LHFPL1: variants seen among roughly 807,000 people sequenced by gnomAD.
The protein encoded by LHFPL1 is LHFPL tetraspan subfamily member 1.
Under a neutral mutation model 12.1 loss-of-function variants are expected in LHFPL1, and 4 were observed. The ratio of observed to expected loss-of-function variants is 0.33; its 90% CI spans 0.16 to 0.76. The LOEUF (loss-of-function observed/expected upper bound fraction) is 0.76. Among genes scored for constraint, LHFPL1 ranks in the 30% least tolerant of loss-of-function variants. The pLI is 0.61. For missense variants in LHFPL1, 141 were observed against 174.1 expected (o/e 0.81, Z 1.07); for synonymous variants, 52 against 61.9 (o/e 0.84, Z 0.75).
intron 3 of LHFPL1, among the ~76,000 whole-genome samples, chrX:112,646,685 C>T (rs781053282): frequency 2.7e-5 from 3 of 109,518 alleles, no homozygotes; most frequent in Admixed American, 9.8e-5. Flanking sequence ...GGTCCAGCCA[C>T]TTCCTGATTT....
chrX:112,651,627 A>C (rs933051219), intron 3 of LHFPL1, among the ~76,000 whole-genome samples: 1 of 111,453 alleles, frequency 9.0e-6, no homozygotes, highest in Non-Finnish European at 1.9e-5. Flanking sequence ...ACCCATATCA[A>C]ATCTATCACC....
intron 3 of LHFPL1, among the ~76,000 whole-genome samples, chrX:112,645,152 T>G (rs1440281441): frequency 8.9e-6 from 1 of 112,365 alleles, no homozygotes; most frequent in African/African-American, 3.2e-5. Flanking sequence ...AATAGCAAGT[T>G]ACATATAATG....
chrX:112,641,499 G>A (rs1053713801), intron 3 of LHFPL1, among the ~76,000 whole-genome samples: 17 of 111,522 alleles, frequency 1.5e-4, no homozygotes, highest in African/African-American at 4.2e-4. Flanking sequence ...TAGAAATCAC[G>A]TCCTTTCACA....
At chrX:112,675,092 G>A (rs1931618542) in intron 1 of LHFPL1, among the ~76,000 whole-genome samples, 1 of 111,258 alleles carries the variant, frequency 9.0e-6, no homozygotes, top group African/African-American at 3.3e-5. Context: ...GCATAAGAAT[G>A]ACACAATAGA....
At chrX:112,674,665 G>C (rs1341484410) in intron 1 of LHFPL1, among the ~76,000 whole-genome samples, 1 of 111,436 alleles carries the variant, frequency 9.0e-6, no homozygotes, top group East Asian at 2.8e-4. Flanking sequence ...TATACAAATG[G>C]CCAACAGATA....
At chrX:112,663,218 C>G (rs942372171) in intron 2 of LHFPL1, among the ~76,000 whole-genome samples, 7 of 112,054 alleles carry the variant, frequency 6.2e-5, no homozygotes, top group African/African-American at 2.3e-4. Context: ...TCCCATAGCA[C>G]CCAGTGCTTA....
intron 1 of LHFPL1, 95 bp from the exon 2 acceptor site, chrX:112,671,499 C>T (rs763256233): frequency 8.5e-7 from 1 of 1,182,557 alleles, no homozygotes; most frequent in South Asian, 1.9e-5. Context: ...GTTGGCCAGT[C>T]CTGGGGCTCA....
Position 112,660,531 on chromosome X carries a change from G to A in LHFPL1, c.481+96C>T. Reference sequence around the variant, plus strand: ...AGCTAACACAGTGAGAGAGATTCAGGCAAGTACCACTAGCAGAGTGCCCTC... The same window carrying A: ...AGCTAACACAGTGAGAGAGATTCAGACAAGTACCACTAGCAGAGTGCCCTC... On this transcript the variant is annotated intron_variant, in intron 3 of 3. Transcript: ENST00000371968. 3 of 650,353 alleles carry A rather than the reference G, an allele frequency of 4.6e-6. No individual in the cohort carries two copies. In the South Asian group the frequency reaches 7.7e-5, roughly 17 times the overall value. 53.6% of individuals were successfully genotyped at this position (650,353 alleles called of 1,213,427 possible).
chrX:112,654,909 A>G (rs1458565113), intron 3 of LHFPL1, among the ~76,000 whole-genome samples: 1 of 111,752 alleles, frequency 8.9e-6, no homozygotes, highest in Non-Finnish European at 1.9e-5. Context: ...TCTACTTTAA[A>G]TGGCATTAAC....
chrX:112,656,347 T>C (rs921506954), intron 3 of LHFPL1, among the ~76,000 whole-genome samples: 4 of 108,974 alleles, frequency 3.7e-5, no homozygotes, highest in African/African-American at 1.4e-4. Context: ...AAACTAAGAA[T>C]AGAAGGGAAC....
In LHFPL1 at chrX:112,671,145, C is replaced by G. The variant is rs778331550; in HGVS notation, c.246G>C (p.Gln82His). The change falls in exon 2 of 4, where the codon CAG becomes CAC. Residue 82 changes from glutamine to histidine, a missense_variant. Transcript: ENST00000371968. ...SFNAIPSLAW[Q>H]MCTVVTGAGC... ...CGGCACCTGTCACCACTGTGCACAT[C>G]TGCCAGGCCAGGCTTGGGATGGCAT... 1 of 1,211,001 alleles carries G rather than the reference C, an allele frequency of 8.3e-7. No individual in the cohort carries two copies. Among genetic ancestry groups the G allele is most frequent in the Admixed American group, 2.2e-5 (1 of 45,942 alleles).
chrX:112,668,183 G>A (rs748581102), intron 2 of LHFPL1, among the ~76,000 whole-genome samples: 3 of 111,778 alleles, frequency 2.7e-5, no homozygotes, highest in Non-Finnish European at 5.6e-5. Flanking sequence ...TTTATCCATG[G>A]GGCCCAAAAT....
chrX:112,657,830 T>C (rs1312350195), intron 3 of LHFPL1, among the ~76,000 whole-genome samples: 1 of 108,760 alleles, frequency 9.2e-6, no homozygotes, highest in Non-Finnish European at 1.9e-5. Context: ...TATAAAACTC[T>C]TAGAGGAAAA....
chrX:112,636,384 A>G (rs1467719088), intron 3 of LHFPL1, among the ~76,000 whole-genome samples: 2 of 112,360 alleles, frequency 1.8e-5, no homozygotes, highest in African/African-American at 6.5e-5. Context: ...CTGGCCAAAA[A>G]GTGTCGATAT....
At chrX:112,675,741 T>C (rs1931637885) in intron 1 of LHFPL1, among the ~76,000 whole-genome samples, 1 of 111,579 alleles carries the variant, frequency 9.0e-6, no homozygotes, top group Non-Finnish European at 1.9e-5. Context: ...GATGAAATGG[T>C]CACCCTATTT....
intron 3 of LHFPL1, among the ~76,000 whole-genome samples, chrX:112,635,128 C>A (rs1930302082): frequency 8.9e-6 from 1 of 111,785 alleles, no homozygotes; most frequent in Non-Finnish European, 1.9e-5. Context: ...CAATGAGTTG[C>A]CATATTTTGC....
Position 112,631,524 on chromosome X carries a change from A to G in LHFPL1, c.559T>C (p.Ser187Pro). 8.3e-7 allele frequency: 1 copy of G among 1,211,247 alleles called. No homozygotes were observed. The highest frequency in any genetic ancestry group is 2.2e-5 in the Admixed American group (1 of 46,079). ...TTGGGGTTTCTTCCAGCAAAGCAAG[A>G]GAGCCAGGTGCAGATCAACATGGCT... The part of the protein sequence containing the change: ...AAAMLICTWL[S>P]CFAGRNPKPV... Residue 187 changes from serine to proline, a missense_variant, in exon 4 of 4, where the codon TCT becomes CCT. Coordinates refer to ENST00000371968, the MANE Select transcript of LHFPL1 (RefSeq NM_178175.4).
intron 3 of LHFPL1, among the ~76,000 whole-genome samples, chrX:112,659,927 T>C (rs1471196960): frequency 8.9e-6 from 1 of 112,459 alleles, no homozygotes; most frequent in Non-Finnish European, 1.9e-5. Flanking sequence ...ACAAGCTATA[T>C]GTGGTTGGAT....
intron 1 of LHFPL1, among the ~76,000 whole-genome samples, chrX:112,672,644 C>T (rs756730804): frequency 9.0e-5 from 10 of 111,083 alleles, no homozygotes; most frequent in African/African-American, 3.0e-4. Flanking sequence ...GCAGGGGAAG[C>T]GCAGGAACTG....
Sources: gnomAD v4.1 joint callset for allele counts (sites outside exome capture counted in the v4.1 genomes callset) on GRCh38, gnomAD v4.1.1 for gene constraint, MANE v1.5 for transcripts, NCBI Gene and HGNC (gene_info 2026-07-23, HGNC 2026-07-21) for gene names.